Variants in TACC2 observed in about 807,000 individuals in gnomAD.
TACC2 encodes transforming acidic coiled-coil-containing protein 2.
TACC2 carries 137 observed loss-of-function variants against 227.3 expected under a neutral mutation model. The ratio of observed to expected loss-of-function variants is 0.60; its 90% confidence interval spans 0.52 to 0.69. The LOEUF (loss-of-function observed/expected upper bound fraction) is 0.69. Among genes scored for constraint, TACC2 ranks in the 30% least tolerant of loss-of-function variants. The pLI is 0.00. For synonymous variants in TACC2, 1,523 were observed against 1,487.5 expected (o/e 1.02, Z -0.55); for missense variants, 3,470 against 3,694.4 (o/e 0.94, Z 1.57).
At chr10:122,235,190 C>T (rs747174207) in intron 16 of TACC2, among the ~76,000 whole-genome samples, 2 of 152,164 alleles carry the variant, frequency 1.3e-5, no homozygotes, top group African/African-American at 2.4e-5. Flanking sequence ...GGGTTTCAAG[C>T]GATTCTCGTG....
In TACC2 at chr10:121,989,180, T is replaced by A. The variant is rs2134820833; in HGVS notation, c.-354T>A. Reference sequence around the variant, plus strand: ...ACCACTGCATAAGTGGACAGCCTGCTCCAAGGGAAGGATCAGGAGAGAAGA... The same window carrying A: ...ACCACTGCATAAGTGGACAGCCTGCACCAAGGGAAGGATCAGGAGAGAAGA... On this transcript the variant is annotated 5_prime_UTR_variant, in exon 1 of 23. Coordinates refer to ENST00000369005, the MANE Select transcript of TACC2 (RefSeq NM_206862.4). 1 of 152,398 alleles carries A rather than the reference T, an allele frequency of 6.6e-6. No homozygotes were observed. The highest frequency in any genetic ancestry group is 6.5e-5 in the Admixed American group (1 of 15,300). 9.4% of individuals were successfully genotyped at this position (152,398 alleles called of 1,614,324 possible).
At chr10:122,120,549 C>G (rs1199330764) in intron 5 of TACC2, among the ~76,000 whole-genome samples, 1 of 152,150 alleles carries the variant, frequency 6.6e-6, no homozygotes, top group Non-Finnish European at 1.5e-5. Flanking sequence ...TGTCGCACAT[C>G]ATGAGTCGAC....
chr10:122,249,619 G>A lies in TACC2; in HGVS notation c.8736G>A (p.Lys2912=). ...EQAAHQASLR[K]EQLRVDALER... ...CCGCCCACCAGGCCAGCCTGCGGAA[G>A]GAGCAGCTGCGAGTGGACGCCCTGG... Residue 2912 remains lysine, a synonymous_variant, in exon 22 of 23, where the codon AAG becomes AAA. Transcript: ENST00000369005. 6.2e-7 allele frequency: 1 copy of A among 1,614,078 alleles called. No individual in the cohort carries two copies. Among genetic ancestry groups the A allele is most frequent in the African/African-American group, 1.3e-5 (1 of 75,066 alleles).
At chr10:122,044,134 T>G (rs2074687910) in intron 2 of TACC2, among the ~76,000 whole-genome samples, 1 of 152,250 alleles carries the variant, frequency 6.6e-6, no homozygotes, top group Non-Finnish European at 1.5e-5. Flanking sequence ...CCCAGCTCTC[T>G]CGGGCTTCGA....
chr10:122,182,308 T>A (rs2093997266), intron 7 of TACC2, among the ~76,000 whole-genome samples: 1 of 152,210 alleles, frequency 6.6e-6, no homozygotes, highest in Non-Finnish European at 1.5e-5. Context: ...TCTCTCTGAA[T>A]CAGGCAAAGC....
intron 5 of TACC2, among the ~76,000 whole-genome samples, chr10:122,121,797 C>G (rs1023656353): frequency 2.0e-5 from 3 of 152,148 alleles, no homozygotes; most frequent in East Asian, 3.9e-4. Context: ...GGTCCCTGCC[C>G]TGTTGTTGGT....
chr10:122,205,492 C>G lies in TACC2; in HGVS notation c.5972-4905C>G, dbSNP rs1250620086. On this transcript the variant is annotated intron_variant, in intron 8 of 22. Coordinates refer to ENST00000369005, the MANE Select transcript of TACC2 (RefSeq NM_206862.4). The surrounding 1 kb of genome is among the most constrained non-coding windows in gnomAD (Gnocchi z 4.5). ...CCCACAGGAACTTGGAGCTCAAAGG[C>G]CCATCCAAGCTTATCCTCAAAGCTG... Among the ~76,000 whole-genome samples, 1 of 152,196 alleles carries G rather than the reference C, an allele frequency of 6.6e-6. No homozygotes were observed. The highest frequency in any genetic ancestry group is 1.5e-5 in the Non-Finnish European group (1 of 68,036).
chr10:122,001,914 A>G (rs141623830), intron 1 of TACC2, among the ~76,000 whole-genome samples: 6 of 152,304 alleles, frequency 3.9e-5, no homozygotes, highest in Admixed American at 3.9e-4. Context: ...GCTAATTCCA[A>G]GCTCTGAGTC....
chr10:122,068,733 G>A (rs546863314), intron 3 of TACC2, among the ~76,000 whole-genome samples: 160 of 151,128 alleles, frequency 1.1e-3, no homozygotes, highest in East Asian at 6.4e-3. Context: ...GTGCGATCTC[G>A]GGCCACTGCA....
At chr10:122,172,132 G>A (rs772484684) in intron 7 of TACC2, among the ~76,000 whole-genome samples, 65 of 152,226 alleles carry the variant, frequency 4.3e-4, no homozygotes, top group Non-Finnish European at 7.9e-4. Context: ...CCTAAATGTG[G>A]AGCCCTAGAG....
chr10:122,120,463 G>T (rs558431094), intron 5 of TACC2, among the ~76,000 whole-genome samples: 1 of 152,160 alleles, frequency 6.6e-6, no homozygotes, highest in Non-Finnish European at 1.5e-5. Context: ...GCCACCGCGG[G>T]TGCCCTGGCT....
In TACC2 at chr10:122,086,517, G is replaced by A; in HGVS notation, c.4017G>A (p.Lys1339=). The A allele has an allele frequency of 1.2e-6, 2 of 1,612,946 alleles. No individual in the cohort carries two copies. Among genetic ancestry groups the A allele is most frequent in the Non-Finnish European group, 1.7e-6 (2 of 1,179,602 alleles). ...LDRMPLLAKG[K]QATGEEKAAT... ...GGATGCCACTTCTGGCCAAGGGCAA[G>A]CAGGCAACAGGGGAAGAGAAAGCAG... The change falls in exon 4 of 23, where the codon AAG becomes AAA. Residue 1339 remains lysine (K), a synonymous_variant. Coordinates refer to ENST00000369005, the MANE Select transcript of TACC2 (RefSeq NM_206862.4).
Position 122,249,071 on chromosome 10 carries a change from T to G in TACC2, c.8575T>G (p.Cys2859Gly). ...FRKNEEVLKR[C>G]AQEYLSRVKK... Reference sequence around the variant, plus strand: ...TCAGAATGAAGAGGTGTTGAAGAGATGTGCGCAGGAGTACCTGTCCCGGGT... The same window carrying G: ...TCAGAATGAAGAGGTGTTGAAGAGAGGTGCGCAGGAGTACCTGTCCCGGGT... Residue 2859 changes from cysteine to glycine, a missense_variant, in exon 21 of 23, where the codon TGT becomes GGT. Coordinates refer to ENST00000369005, the MANE Select transcript of TACC2 (RefSeq NM_206862.4). The G allele has an allele frequency of 1.2e-6, 2 of 1,613,270 alleles. No individual in the cohort carries two copies. Among genetic ancestry groups the G allele is most frequent in the Non-Finnish European group, 1.7e-6 (2 of 1,179,882 alleles).
At chr10:122,177,880 T>C (rs2093797158) in intron 7 of TACC2, among the ~76,000 whole-genome samples, 1 of 152,144 alleles carries the variant, frequency 6.6e-6, no homozygotes, top group Admixed American at 6.5e-5. Context: ...CAGCATTTCA[T>C]GCCTCTGAGA....
intron 3 of TACC2, among the ~76,000 whole-genome samples, chr10:122,075,892 T>C (rs2078739322): frequency 1.3e-5 from 2 of 152,212 alleles, no homozygotes; most frequent in African/African-American, 4.8e-5. Flanking sequence ...CTCCGCCTCC[T>C]GGATTCAAGC....
intron 5 of TACC2, among the ~76,000 whole-genome samples, chr10:122,122,878 TATA>T (rs771476920): frequency 6.6e-6 from 1 of 152,260 alleles, no homozygotes; most frequent in Non-Finnish European, 1.5e-5. Context: ...TTAAATGTGC[TATA>T]ATATTTCATA....
intron 22 of TACC2, among the ~76,000 whole-genome samples, chr10:122,251,131 C>T (rs1349117966): frequency 6.6e-6 from 1 of 151,838 alleles, no homozygotes; most frequent in Non-Finnish European, 1.5e-5. Context: ...CACTTTGTTG[C>T]CCAGGCTGGT....
In TACC2 at chr10:122,082,797, A is replaced by G. The variant is rs1565235917; in HGVS notation, c.297A>G (p.Pro99=). ...AAGGTTCTTTGCTGCCCAGCCCACC[A>G]CCGTCCCAGGAGCGAGAGCACCCCT... ...GPEGSLLPSP[P]PSQEREHPSS... Residue 99 remains proline, a synonymous_variant, in exon 4 of 23, where the codon CCA becomes CCG. Transcript: ENST00000369005. The G allele has an allele frequency of 1.2e-6, 2 of 1,613,788 alleles. No individual in the cohort carries two copies. The highest frequency in any genetic ancestry group is 1.7e-5 in the Admixed American group (1 of 60,008).
Position 122,083,847 on chromosome 10 carries a change from G to C in TACC2, c.1347G>C (p.Gly449=). The C allele has an allele frequency of 6.2e-7, 1 of 1,614,202 alleles. No individual in the cohort carries two copies. Among genetic ancestry groups the C allele is most frequent in the Non-Finnish European group, 8.5e-7 (1 of 1,180,038 alleles). Residue 449 remains glycine (G), a synonymous_variant, in exon 4 of 23, where the codon GGG becomes GGC. Transcript: ENST00000369005. ...SSSRESVSKA[G]MPVSADAAKE... is the part of the protein sequence containing the mutation. ...CCAGGGAATCAGTTTCCAAGGCTGG[G>C]ATGCCAGTTTCTGCAGATGCAGCCA...
Sources: gnomAD v4.1 joint callset for allele counts (sites outside exome capture counted in the v4.1 genomes callset) on GRCh38, gnomAD v4.1.1 for gene constraint, Gnocchi (gnomAD v3.1) non-coding constraint, MANE v1.5 for transcripts, NCBI Gene and HGNC (gene_info 2026-07-23, HGNC 2026-07-21) for gene names.